The following PTPRH variants were observed in gnomAD, a reference collection of about 807,000 sequenced individuals.
PTPRH encodes the protein receptor-type tyrosine-protein phosphatase H.
In PTPRH, 113 loss-of-function variants were observed where a neutral mutation model predicts 130.2. The ratio of observed to expected loss-of-function variants is 0.87; its 90% CI spans 0.75 to 1.01. The LOEUF (loss-of-function observed/expected upper bound fraction) is 1.01. Ranked by LOEUF, PTPRH falls within the 50% of genes least tolerant of loss-of-function variation. The pLI is 0.00. For synonymous variants in PTPRH, 556 were observed against 577.9 expected (o/e 0.96, Z 0.54); for missense variants, 1,430 against 1,425.0 (o/e 1.00, Z -0.06).
rs761533348 is a variant in PTPRH, at chr19:55,205,480, C to T, written c.465G>A (p.Glu155=). The change falls in exon 4 of 20, where the codon GAG becomes GAA. Residue 155 remains glutamate, a synonymous_variant. Transcript: ENST00000376350. ...PDPQNSTYGV[E]YTGDGGRAGT... is the part of the protein sequence containing the mutation. ...CTGCTCTGCCACCATCTCCAGTGTA[C>T]TCAACCCCGTAGGTGGAGTTCTGTG... 19 of 1,614,228 alleles carry T rather than the reference C, an allele frequency of 1.2e-5. No individual in the cohort carries two copies. In the South Asian group the frequency reaches 1.8e-4, roughly 15 times the overall value.
At chr19:55,195,796 C>G (rs1490250937) in intron 10 of PTPRH, among the ~76,000 whole-genome samples, 1 of 152,054 alleles carries the variant, frequency 6.6e-6, no homozygotes, top group African/African-American at 2.4e-5. Context: ...GTCTCGAACT[C>G]CTGAGCTCAA....
Position 55,203,933 on chromosome 19 carries a change from G to A in PTPRH, c.735C>T (p.Cys245=). 1 of 1,614,164 alleles carries A rather than the reference G, an allele frequency of 6.2e-7. No individual in the cohort carries two copies. Among genetic ancestry groups the A allele is most frequent in the Non-Finnish European group, 8.5e-7 (1 of 1,180,032 alleles). Residue 245 remains cysteine, a synonymous_variant, in exon 5 of 20, where the codon TGC becomes TGT. Transcript: ENST00000376350. ...DPQNSTYCVQ[C]TGDGGRTETR... ...TCTCTGTTCTGCCACCATCTCCAGT[G>A]CACTGAACGCAGTAGGTCGAGTTCT...
At chr19:55,192,029 A>G (rs1198167161) in intron 10 of PTPRH, 3 of 549,812 alleles carry the variant, frequency 5.5e-6, no homozygotes, top group Admixed American at 4.6e-5. Context: ...GATCTACTTA[A>G]TAAATAGCGA....
chr19:55,199,425 C>A (rs961183875), intron 7 of PTPRH, among the ~76,000 whole-genome samples: 9 of 152,112 alleles, frequency 5.9e-5, no homozygotes, highest in Non-Finnish European at 1.0e-4. Context: ...GGCAACATGG[C>A]AAAACCCTGT....
chr19:55,198,769 T>TC lies in PTPRH; in HGVS notation c.1563dup (p.Thr522AspfsTer8), dbSNP rs1385672364. On this transcript the variant is annotated frameshift_variant, in exon 8 of 20. Coordinates refer to ENST00000376350, the MANE Select transcript of PTPRH (RefSeq NM_002842.5). LOFTEE classifies it high-confidence loss of function. Reference sequence around the variant, plus strand: ...ATGTCAGTACCTGAGGTGCTTTGGGTCCTGGGGTCAGTCATGCCTTCCCTG... The same window carrying TC: ...ATGTCAGTACCTGAGGTGCTTTGGGTCCCTGGGGTCAGTCATGCCTTCCCTG... 1 of 1,613,994 alleles carries TC rather than the reference T, an allele frequency of 6.2e-7. No homozygotes were observed. The highest frequency in any genetic ancestry group is 8.5e-7 in the Non-Finnish European group (1 of 1,179,966).
intron 12 of PTPRH, among the ~76,000 whole-genome samples, chr19:55,188,903 AG>A (rs1165815125): frequency 6.6e-6 from 1 of 152,234 alleles, no homozygotes; most frequent in Non-Finnish European, 1.5e-5. Flanking sequence ...ACTGTTCCCC[AG>A]TGTCCAACCC....
At chr19:55,188,902 C>T (rs2086444576) in intron 12 of PTPRH, among the ~76,000 whole-genome samples, 1 of 152,250 alleles carries the variant, frequency 6.6e-6, no homozygotes, top group Admixed American at 6.5e-5. Context: ...AACTGTTCCC[C>T]AGTGTCCAAC....
At chr19:55,194,410 C>T (rs2086628042) in intron 10 of PTPRH, 1 of 1,084,690 alleles carries the variant, frequency 9.2e-7, no homozygotes, top group African/African-American at 1.7e-5. Flanking sequence ...AGGACCTGTT[C>T]TCTCAGGGAT....
chr19:55,195,320 C>T (rs1043051400), intron 10 of PTPRH, among the ~76,000 whole-genome samples: 4 of 142,714 alleles, frequency 2.8e-5, no homozygotes, highest in African/African-American at 8.0e-5. Context: ...AGTGAAACTC[C>T]GCCTCAAAAA....
At chr19:55,186,616 C>CACAGGCAGAGAGACA (rs2086342020) in intron 14 of PTPRH, 76 bp from the exon 15 acceptor site, 1 of 1,519,490 alleles carries the variant, frequency 6.6e-7, no homozygotes, top group African/African-American at 1.4e-5. Context: ...GCAGAGAGAC[C>CACAGGCAGAGAGACA]CAGAGAGGCA....
At chr19:55,187,975 T>C in intron 13 of PTPRH, 103 bp downstream of exon 13, 1 of 749,764 alleles carries the variant, frequency 1.3e-6, no homozygotes, top group African/African-American at 1.8e-5. Flanking sequence ...GTGATGCTAC[T>C]TTTGCTTAAT....
In PTPRH at chr19:55,184,743, C is replaced by T. The variant is rs542536088; in HGVS notation, c.3062+759G>A. On this transcript the variant is annotated intron_variant, in intron 18 of 19. Coordinates refer to ENST00000376350, the MANE Select transcript of PTPRH (RefSeq NM_002842.5). ...CAGAGGTTGCAGTGAGCTGAGATTG[C>T]GCCATTGCACTCCACCCTGGGCGAC... 4.0e-5 allele frequency among the ~76,000 whole-genome samples: 6 copies of T among 151,076 alleles called. No individual in the cohort carries two copies. In the South Asian group the frequency reaches 8.4e-4, roughly 21 times the overall value.
Position 55,205,318 on chromosome 19 carries a change from C to T in PTPRH, c.619+8G>A. 1 of 1,614,096 alleles carries T rather than the reference C, an allele frequency of 6.2e-7. No individual in the cohort carries two copies. Among genetic ancestry groups the T allele is most frequent in the Non-Finnish European group, 8.5e-7 (1 of 1,179,960 alleles). ...GTAAGAGCAAAACAAATGGCGACTG[C>T]CTCTCACCTGTGGTGGCATTTCGAG... On this transcript the variant is annotated splice_region_variant and intron_variant, in intron 4 of 19. Coordinates refer to ENST00000376350, the MANE Select transcript of PTPRH (RefSeq NM_002842.5).
At chr19:55,204,174 C>G in intron 4 of PTPRH, 126 bp from the exon 5 acceptor site, 1 of 1,086,774 alleles carries the variant, frequency 9.2e-7, no homozygotes, top group Non-Finnish European at 1.3e-6. Context: ...GGCTGGAGTG[C>G]AGTGGCACGA....
chr19:55,200,436 TC>T lies in PTPRH; in HGVS notation c.1219del (p.Glu407LysfsTer15). 6.2e-7 allele frequency: 1 copy of T among 1,614,132 alleles called. No homozygotes were observed. On this transcript the variant is annotated frameshift_variant, in exon 7 of 20. Coordinates refer to ENST00000376350, the MANE Select transcript of PTPRH (RefSeq NM_002842.5). LOFTEE classifies it high-confidence loss of function. ...CTGAGGGTATGGGCCATCGGGGACTTCCCAGCATAGGGCGATGGAGCTGTTG... is the reference window on the plus strand; with the variant it reads ...CTGAGGGTATGGGCCATCGGGGACTTCCAGCATAGGGCGATGGAGCTGTTG... Reference protein sequence around the residue: ...QTNSSIALCWEVPDGPYPQDY... With the variant: ...QTNSSIALCWXVPDGPYPQDY...
intron 18 of PTPRH, 37 bp from the exon 19 acceptor site, chr19:55,182,188 G>A: frequency 6.2e-7 from 1 of 1,603,892 alleles, no homozygotes; most frequent in Non-Finnish European, 8.5e-7. Flanking sequence ...CCAAGGGGCA[G>A]GAGTGTGAGG....
intron 4 of PTPRH, among the ~76,000 whole-genome samples, chr19:55,204,394 C>T (rs1373860835): frequency 2.6e-5 from 4 of 152,202 alleles, no homozygotes; most frequent in Admixed American, 6.5e-5. Context: ...CGTGAGGCAA[C>T]ATGCCTGGCC....
rs1040509587 is a variant in PTPRH at position 55,184,076 on chromosome 19, G to A, written c.3062+1426C>T. Among the ~76,000 whole-genome samples, 4 of 151,896 alleles carry A rather than the reference G, an allele frequency of 2.6e-5. No homozygotes were observed. In the South Asian group the frequency reaches 6.2e-4, roughly 24 times the overall value. On this transcript the variant is annotated intron_variant, in intron 18 of 19. Transcript: ENST00000376350. Reference sequence around the variant, plus strand: ...GAGGTGGTCGGATCACTTGAGGTTGGGAGTTTGAGACCAGCCTGACCAACA... The same window carrying A: ...GAGGTGGTCGGATCACTTGAGGTTGAGAGTTTGAGACCAGCCTGACCAACA...
intron 12 of PTPRH, chr19:55,189,719 G>C (rs1389102326): frequency 4.4e-6 from 2 of 455,896 alleles, no homozygotes; most frequent in Non-Finnish European, 8.8e-6. Context: ...AGCGGCTCAC[G>C]CCTGTGATGC....
Sources: allele counts gnomAD v4.1 joint callset (sites outside exome capture counted in the v4.1 genomes callset), GRCh38; gene constraint gnomAD v4.1.1; transcripts MANE v1.5; gene names NCBI Gene and HGNC (gene_info 2026-07-23, HGNC 2026-07-21).